The following CACNA1A variants were observed in gnomAD, a reference collection of about 807,000 sequenced individuals.
CACNA1A encodes calcium voltage-gated channel subunit alpha1 A.
CACNA1A carries 57 observed loss-of-function variants against 262.4 expected under a neutral mutation model. The observed-to-expected ratio is 0.22, with a 90% CI of 0.18 to 0.27. CACNA1A has a LOEUF of 0.27. Among genes scored for constraint, CACNA1A ranks in the 10% least tolerant of loss-of-function variants. The pLI is 1.00. For synonymous variants in CACNA1A, 1,431 were observed against 1,419.3 expected (o/e 1.01, Z -0.18); for missense variants, 2,526 against 3,562.8 (o/e 0.71, Z 7.41).
chr19:13,270,577 G>A (rs1227149038), intron 24 of CACNA1A, among the ~76,000 whole-genome samples: 4 of 152,224 alleles, frequency 2.6e-5, no homozygotes, highest in African/African-American at 9.6e-5. Context: ...GTAACGGGGA[G>A]AAGATTCCAA....
intron 3 of CACNA1A, among the ~76,000 whole-genome samples, chr19:13,427,267 C>T (rs990873299): frequency 6.6e-6 from 1 of 151,940 alleles, no homozygotes; most frequent in Non-Finnish European, 1.5e-5. Context: ...GCCTGACCAA[C>T]ATGGAGAAAC....
At chr19:13,281,824 G>A (rs569970923) in intron 22 of CACNA1A, among the ~76,000 whole-genome samples, 6 of 152,210 alleles carry the variant, frequency 3.9e-5, no homozygotes, top group Non-Finnish European at 8.8e-5. Context: ...GGAGGGGGCC[G>A]GGGAGCTGAA....
chr19:13,283,169 C>A, intron 22 of CACNA1A, 98 bp downstream of exon 22: 1 of 1,476,550 alleles, frequency 6.8e-7, no homozygotes, highest in Non-Finnish European at 9.2e-7. Flanking sequence ...AGGGGTGACC[C>A]CAACATCCCA....
chr19:13,275,999 C>T (rs2057138263), intron 23 of CACNA1A, 43 bp from the exon 24 acceptor site: 2 of 1,383,030 alleles, frequency 1.4e-6, no homozygotes, highest in Non-Finnish European at 2.0e-6. Context: ...CCACCTGATC[C>T]CCACCCTGGG....
chr19:13,250,249 G>A (rs1057385778), intron 30 of CACNA1A, among the ~76,000 whole-genome samples: 7 of 151,428 alleles, frequency 4.6e-5, no homozygotes, highest in Admixed American at 1.3e-4. Context: ...TAGTAGAGAC[G>A]GGGTTTCACC....
intron 3 of CACNA1A, among the ~76,000 whole-genome samples, chr19:13,410,530 A>ATT (rs2060090992): frequency 8.7e-6 from 1 of 115,394 alleles, no homozygotes. Flanking sequence ...TTTTTTCTTT[A>ATT]TTCTTTTTTC....
chr19:13,299,137 G>T lies in CACNA1A; in HGVS notation c.2496C>A (p.Asn832Lys). The change falls in exon 19 of 47, where the codon AAC becomes AAA. Residue 832 changes from asparagine to lysine, a missense_variant. Coordinates refer to ENST00000360228, the MANE Select transcript of CACNA1A (RefSeq NM_001127222.2). ...PLVVDPQENR[N>K]NNTNKSRAAE... ...CCGCCCGGCTCTTGTTGGTGTTGTT[G>T]TTGCGGTTCTCCTGCGGGTCCACCA... is the stretch of plus-strand genomic sequence containing the variant. 1 of 1,613,240 alleles carries T rather than the reference G, an allele frequency of 6.2e-7. No individual in the cohort carries two copies. Among genetic ancestry groups the T allele is most frequent in the South Asian group, 1.1e-5 (1 of 91,078 alleles).
intron 3 of CACNA1A, among the ~76,000 whole-genome samples, chr19:13,383,801 ATT>A (rs912730127): frequency 1.3e-5 from 2 of 151,922 alleles, no homozygotes; most frequent in African/African-American, 4.8e-5. Context: ...CTGGAATTAT[ATT>A]GTTTGTTTGT....
At chr19:13,246,218 G>A (rs1056512220) in intron 30 of CACNA1A, among the ~76,000 whole-genome samples, 13 of 152,308 alleles carry the variant, frequency 8.5e-5, no homozygotes, top group Admixed American at 2.0e-4. Flanking sequence ...ATCTGGAGGC[G>A]GACAGTAACA....
At chr19:13,243,405 CG>C (rs2056134368) in intron 31 of CACNA1A, among the ~76,000 whole-genome samples, 2 of 152,214 alleles carry the variant, frequency 1.3e-5, no homozygotes, top group South Asian at 4.1e-4. Context: ...CCTTCTAGGA[CG>C]GAAGAGCAGG....
chr19:13,427,736 G>A (rs2060429310), intron 3 of CACNA1A, among the ~76,000 whole-genome samples: 2 of 152,060 alleles, frequency 1.3e-5, no homozygotes, highest in South Asian at 4.1e-4. Context: ...TGTTACTGGT[G>A]ATTACTTCTA....
chr19:13,494,848 C>T (rs1296382319), intron 1 of CACNA1A, among the ~76,000 whole-genome samples: 1 of 152,068 alleles, frequency 6.6e-6, no homozygotes, highest in South Asian at 2.1e-4. Context: ...GGGAAATCAC[C>T]CCCATGATCC....
At position 13,241,488 on chromosome 19, in the gene CACNA1A, G is replaced by A. The variant is rs1388698547; in HGVS notation, c.4950+3694C>T. On this transcript the variant is annotated intron_variant, in intron 31 of 46. Transcript: ENST00000360228. The surrounding 1 kb of genome is among the most constrained non-coding windows in gnomAD (Gnocchi z 4.0). ...GGAGATGCGTTCACAGTTAATGTAA[G>A]GCATTTAGACTTCAGAAAGAAGTAA... is the stretch of plus-strand genomic sequence containing the variant. The A allele has an allele frequency of 1.5e-5, 22 of 1,451,728 alleles. No individual in the cohort carries two copies. Among genetic ancestry groups the A allele is most frequent in the Admixed American group, 2.0e-5 (1 of 51,134 alleles). The allele number at this position is 1,451,728 out of a possible 1,614,324, so 89.9% of individuals were successfully genotyped here. A position where few individuals can be genotyped will look rare whatever the true frequency, so the allele number is the denominator to read the frequency against.
rs1193347869 is a variant in CACNA1A at position 13,207,843 on chromosome 19, C to A, written c.6991G>T (p.Gly2331Cys). The change falls in exon 47 of 47, where the codon GGC becomes TGC. Residue 2331 changes from glycine (G) to cysteine (C), a missense_variant. Transcript: ENST00000360228. The surrounding 1 kb of genome is among the most constrained non-coding windows in gnomAD (Gnocchi z 5.7). ...QQQQQAVARP[G>C]RAATSGPRRY... Reference sequence around the variant, plus strand: ...CGAGGGCCGCTGGTGGCCGCCCGGCCCGGCCTGGCCACCGCCTGCTGCTGC... The same window carrying A: ...CGAGGGCCGCTGGTGGCCGCCCGGCACGGCCTGGCCACCGCCTGCTGCTGC... 2 of 1,468,902 alleles carry A rather than the reference C, an allele frequency of 1.4e-6. 1 individual carries two copies. The highest frequency in any genetic ancestry group is 2.7e-5 in the South Asian group (2 of 75,006). The allele number at this position is 1,468,902 out of a possible 1,614,324, so 91.0% of individuals were successfully genotyped here. A position where few individuals can be genotyped will look rare whatever the true frequency, so the allele number is the denominator to read the frequency against.
intron 10 of CACNA1A, among the ~76,000 whole-genome samples, chr19:13,322,724 T>C (rs556653534): frequency 6.6e-6 from 1 of 152,138 alleles, no homozygotes; most frequent in East Asian, 1.9e-4. Flanking sequence ...GCCTCCTGAG[T>C]AGCTGGGACT....
At chr19:13,261,328 G>T in intron 26 of CACNA1A, 122 bp downstream of exon 26, 1 of 820,770 alleles carries the variant, frequency 1.2e-6, no homozygotes, top group Non-Finnish European at 1.9e-6. Context: ...GGTTGCAACT[G>T]AGTCACTTCC....
At chr19:13,259,344 G>GTTTTT (rs2056665416) in intron 27 of CACNA1A, 14 of 9,020 alleles carry the variant, frequency 1.6e-3, no homozygotes, top group African/African-American at 4.5e-3. Flanking sequence ...TTTTTTTTTG[G>GTTTTT]GATTTTTAGT....
chr19:13,303,919 C>T, intron 15 of CACNA1A, 35 bp from the exon 16 acceptor site: 1 of 1,462,698 alleles, frequency 6.8e-7, no homozygotes, highest in South Asian at 1.2e-5. Context: ...AGCCAACCCC[C>T]CTCTCAGCCA....
At chr19:13,376,542 T>A (rs72620555) in intron 3 of CACNA1A, among the ~76,000 whole-genome samples, 8,439 of 149,428 alleles carry the variant, frequency 0.056, 415 homozygotes, top group East Asian at 0.13. Flanking sequence ...CAGAAAAAAA[T>A]ATATATATAA....
Sources: gnomAD v4.1 joint callset for allele counts (sites outside exome capture counted in the v4.1 genomes callset) on GRCh38, gnomAD v4.1.1 for gene constraint, Gnocchi (gnomAD v3.1) non-coding constraint, MANE v1.5 for transcripts, NCBI Gene and HGNC (gene_info 2026-07-23, HGNC 2026-07-21) for gene names.